Variants in TACC1 observed in about 807,000 individuals in gnomAD.
The protein encoded by TACC1 is transforming acidic coiled-coil-containing protein 1.
Under a neutral mutation model 84.4 loss-of-function variants are expected in TACC1, and 48 were observed. That is an observed-to-expected ratio of 0.57 (90% confidence interval 0.45 to 0.72). The LOEUF is 0.72. Ranked by LOEUF, TACC1 falls within the 30% of genes least tolerant of loss-of-function variation. TACC1 has a pLI of 0.00. For missense variants in TACC1, 920 were observed against 973.0 expected (o/e 0.95, Z 0.72); for synonymous variants, 372 against 376.3 (o/e 0.99, Z 0.13).
At chr8:38,796,049 C>T (rs1422440069) in intron 2 of TACC1, among the ~76,000 whole-genome samples, 1 of 152,198 alleles carries the variant, frequency 6.6e-6, no homozygotes, top group Admixed American at 6.5e-5. Flanking sequence ...CCAGCTTTCC[C>T]ATTACAATAT....
upstream of TACC1, chr8:38,785,646 C>T (rs762489795): frequency 2.0e-6 from 2 of 976,854 alleles, no homozygotes; most frequent in South Asian, 9.5e-5. Context: ...ATGCTAGTTA[C>T]TGATTTGCTG....
intron 11 of TACC1, 79 bp downstream of exon 11, chr8:38,843,474 C>G: frequency 1.0e-6 from 1 of 995,824 alleles, no homozygotes; most frequent in Non-Finnish European, 1.5e-6. Context: ...ATCACTGTTT[C>G]GCAACTCCAG....
chr8:38,846,563 G>GTT, intron 11 of TACC1, 136 bp from the exon 12 acceptor site: 2 of 1,062,514 alleles, frequency 1.9e-6, no homozygotes, highest in Non-Finnish European at 2.6e-6. Context: ...ACCGATTTTT[G>GTT]TTTTTTTTCT....
intron 3 of TACC1, among the ~76,000 whole-genome samples, chr8:38,760,888 A>G (rs1811083907): frequency 6.6e-6 from 1 of 152,150 alleles, no homozygotes; most frequent in African/African-American, 2.4e-5. Context: ...AGTGTGCAAT[A>G]CGTAGTTATT....
chr8:38,831,161 ACGGGTC>A lies in TACC1; in HGVS notation c.1699_1704del (p.Gly567_Ser568del). 2 of 1,614,206 alleles carry A rather than the reference ACGGGTC, an allele frequency of 1.2e-6. No homozygotes were observed. Among genetic ancestry groups the A allele is most frequent in the Non-Finnish European group, 8.5e-7 (1 of 1,180,028 alleles). On this transcript the variant is annotated inframe_deletion, in exon 6 of 13. Transcript: ENST00000317827. ...GAGACGTGCCAGAAGATGGAAGAAG[ACGGGTC>A]CACTGTGCTTGTAAGTTCCTGAATG...
chr8:38,803,418 T>A (rs1384103392), intron 2 of TACC1, among the ~76,000 whole-genome samples: 1 of 152,168 alleles, frequency 6.6e-6, no homozygotes, highest in Non-Finnish European at 1.5e-5. Flanking sequence ...TAAATGCCCT[T>A]TATTGAGGAA....
At chr8:38,819,400 G>A in intron 2 of TACC1, 122 bp from the exon 3 acceptor site, 1 of 1,146,606 alleles carries the variant, frequency 8.7e-7, no homozygotes, top group Non-Finnish European at 1.2e-6. Flanking sequence ...CTGAACTTTA[G>A]AGATGCTTAA....
chr8:38,801,043 A>G (rs1471641663), intron 2 of TACC1, among the ~76,000 whole-genome samples: 1 of 152,196 alleles, frequency 6.6e-6, no homozygotes, highest in Non-Finnish European at 1.5e-5. Context: ...GGGTATTTGT[A>G]TATATTCTTT....
chr8:38,837,258 A>C (rs1399805908), intron 7 of TACC1, among the ~76,000 whole-genome samples: 2 of 151,240 alleles, frequency 1.3e-5, no homozygotes, highest in Non-Finnish European at 3.0e-5. Flanking sequence ...CTACTAAAAA[A>C]AAAAAAAATA....
At chr8:38,820,783 C>T (rs2152214344) in intron 3 of TACC1, 148 bp downstream of exon 3, 1 of 1,118,748 alleles carries the variant, frequency 8.9e-7, no homozygotes, top group Non-Finnish European at 1.2e-6. Flanking sequence ...GCAGTCTTCA[C>T]TGTTTGGCTT....
At chr8:38,830,690 A>C (rs893759128) in intron 5 of TACC1, among the ~76,000 whole-genome samples, 6 of 152,192 alleles carry the variant, frequency 3.9e-5, no homozygotes, top group African/African-American at 1.2e-4. Flanking sequence ...TTGAATTTTA[A>C]AGCTTATTAT....
intron 3 of TACC1, among the ~76,000 whole-genome samples, chr8:38,823,519 A>G (rs1473853609): frequency 6.6e-6 from 1 of 152,196 alleles, no homozygotes; most frequent in African/African-American, 2.4e-5. Context: ...AAGAAAGGGT[A>G]ATTTATTCTA....
At position 38,846,901 on chromosome 8, in the gene TACC1, G is replaced by A. The variant is rs142960926; in HGVS notation, c.2349+82G>A. On this transcript the variant is annotated intron_variant, in intron 12 of 12. Transcript: ENST00000317827. ...CAGTGACTCACTTAATGACAGATCT[G>A]GGTGAAAGAGGCCTTGGCTTTCTAC... The A allele has an allele frequency of 1.9e-5, 29 of 1,522,876 alleles. No homozygotes were observed. The African/African-American group carries it at 3.6e-4, about 19-fold the overall frequency. 94.3% of individuals were successfully genotyped at this position (1,522,876 alleles called of 1,614,324 possible). A position where few individuals can be genotyped will look rare whatever the true frequency, so the allele number is the denominator to read the frequency against.
rs10631964 is a variant in TACC1 at position 38,798,606 on chromosome 8, CGTGTGTGTGT to C, written c.277+9812_277+9821del. 2.5e-3 allele frequency among the ~76,000 whole-genome samples: 363 copies of C among 143,506 alleles called. 7 individuals are homozygous for C. The highest frequency in any genetic ancestry group is 7.4e-3 in the African/African-American group (283 of 38,494). 94.1% of individuals were successfully genotyped at this position (143,506 alleles called of 152,430 possible). Reference sequence around the variant, plus strand: ...CAGGTAGTTTGTTGTCTGGGTTCTGCGTGTGTGTGTGTGTGTGTGTGTGTGTGTGTGTGTA... The same window carrying C: ...CAGGTAGTTTGTTGTCTGGGTTCTGCGTGTGTGTGTGTGTGTGTGTGTGTA... On this transcript the variant is annotated intron_variant, in intron 2 of 12. Transcript: ENST00000317827.
chr8:38,831,999 G>T (rs768180382), intron 6 of TACC1, among the ~76,000 whole-genome samples: 2 of 151,944 alleles, frequency 1.3e-5, no homozygotes, highest in Admixed American at 6.6e-5. Flanking sequence ...TAGAGATGGG[G>T]TTTCACCATG....
intron 2 of TACC1, among the ~76,000 whole-genome samples, chr8:38,816,439 T>A (rs1460358410): frequency 1.3e-5 from 2 of 152,162 alleles, no homozygotes; most frequent in African/African-American, 4.8e-5. Flanking sequence ...AAACTATCTG[T>A]CCTTAGTGCA....
At chr8:38,810,404 C>T (rs752569273) in intron 2 of TACC1, among the ~76,000 whole-genome samples, 7 of 151,816 alleles carry the variant, frequency 4.6e-5, no homozygotes, top group Non-Finnish European at 8.8e-5. Context: ...AGTTTGAGAC[C>T]AGCGTGGACA....
At chr8:38,804,342 C>G (rs1283519143) in intron 2 of TACC1, among the ~76,000 whole-genome samples, 1 of 152,094 alleles carries the variant, frequency 6.6e-6, no homozygotes, top group Non-Finnish European at 1.5e-5. Flanking sequence ...TCTTGTCACC[C>G]AGGCTGAGTT....
At chr8:38,828,641 G>A (rs1224384814) in intron 5 of TACC1, among the ~76,000 whole-genome samples, 1 of 152,106 alleles carries the variant, frequency 6.6e-6, no homozygotes, top group African/African-American at 2.4e-5. Context: ...GACCCCTCTT[G>A]TAATGAGGTC....
Sources: allele counts gnomAD v4.1 joint callset (sites outside exome capture counted in the v4.1 genomes callset), GRCh38; gene constraint gnomAD v4.1.1; transcripts MANE v1.5; gene names NCBI Gene and HGNC (gene_info 2026-07-23, HGNC 2026-07-21).